Variants in PACS1 observed in about 807,000 individuals in gnomAD.
PACS1 encodes the protein PACS-1.
A neutral mutation model predicts 115.0 loss-of-function variants in PACS1; 24 were observed. That is an observed-to-expected ratio of 0.21 (90% CI 0.15 to 0.29). The LOEUF is 0.29. Among genes scored for constraint, PACS1 ranks in the 10% least tolerant of loss-of-function variants. The pLI is 1.00. For synonymous variants in PACS1, 453 were observed against 504.5 expected, an observed-to-expected ratio of 0.90 and a Z score of 1.37; for missense variants, 838 against 1,251.2, an observed-to-expected ratio of 0.67 and a Z score of 4.98.
At chr11:66,113,264 C>A (rs1407404417) in intron 1 of PACS1, among the ~76,000 whole-genome samples, 4 of 152,206 alleles carry the variant, frequency 2.6e-5, no homozygotes, top group African/African-American at 9.7e-5. Context: ...CTACCCACTT[C>A]TTGGGCAGAT....
At chr11:66,101,245 T>A (rs1239949630) in intron 1 of PACS1, among the ~76,000 whole-genome samples, 1 of 152,216 alleles carries the variant, frequency 6.6e-6, no homozygotes, top group Admixed American at 6.5e-5. Flanking sequence ...TTGCCCCATT[T>A]CCTTTTCTTT....
intron 1 of PACS1, among the ~76,000 whole-genome samples, chr11:66,091,872 T>C (rs1233982300): frequency 6.6e-6 from 1 of 151,762 alleles, no homozygotes; most frequent in African/African-American, 2.4e-5. Context: ...TATGGCTGCA[T>C]AGTATTCCAT....
In PACS1 at chr11:66,177,632, G is replaced by A. The variant is rs371449488; in HGVS notation, c.357-15854G>A. 2.0e-5 allele frequency among the ~76,000 whole-genome samples: 3 copies of A among 151,970 alleles called. No individual in the cohort carries two copies. The East Asian group carries it at 5.8e-4, about 29-fold the overall frequency. On this transcript the variant is annotated intron_variant, in intron 1 of 23. Coordinates refer to ENST00000320580, the MANE Select transcript of PACS1 (RefSeq NM_018026.4). ...TTTTTTTGTTTTGTTTTGTTTTTGA[G>A]ACTGGTCTTGCTCTGTCATCCAGGC...
intron 10 of PACS1, among the ~76,000 whole-genome samples, chr11:66,225,115 C>T (rs1198629376): frequency 6.6e-6 from 1 of 152,210 alleles, no homozygotes; most frequent in African/African-American, 2.4e-5. Flanking sequence ...GCTGCTAAGT[C>T]GCTATTTCCA....
intron 10 of PACS1, among the ~76,000 whole-genome samples, chr11:66,222,398 G>C (rs370392558): frequency 2.0e-5 from 3 of 152,128 alleles, no homozygotes; most frequent in Non-Finnish European, 4.4e-5. Flanking sequence ...TGTAGCAGCC[G>C]GAGCCACGAC....
At chr11:66,084,912 C>A (rs901542847) in intron 1 of PACS1, among the ~76,000 whole-genome samples, 1 of 152,018 alleles carries the variant, frequency 6.6e-6, no homozygotes, top group African/African-American at 2.4e-5. Context: ...TAGGTTGGCA[C>A]CTGATTGTTT....
chr11:66,222,869 C>G (rs1464774146), intron 10 of PACS1, among the ~76,000 whole-genome samples: 1 of 151,954 alleles, frequency 6.6e-6, no homozygotes, highest in African/African-American at 2.4e-5. Flanking sequence ...TCTCTCCCAG[C>G]TCACCGTTCT....
chr11:66,102,791 C>A (rs1213711412), intron 1 of PACS1, among the ~76,000 whole-genome samples: 1 of 152,074 alleles, frequency 6.6e-6, no homozygotes, highest in Non-Finnish European at 1.5e-5. Context: ...TACTGAACCT[C>A]GGAGTGAGAT....
intron 1 of PACS1, among the ~76,000 whole-genome samples, chr11:66,156,641 T>C (rs970722160): frequency 6.6e-6 from 1 of 151,968 alleles, no homozygotes; most frequent in Non-Finnish European, 1.5e-5. Context: ...GATCACAAGG[T>C]CAGGAGATCG....
intron 1 of PACS1, among the ~76,000 whole-genome samples, chr11:66,093,711 A>G (rs1265619481): frequency 1.5e-4 from 22 of 150,506 alleles, no homozygotes; most frequent in Admixed American, 3.3e-4. Flanking sequence ...AGACATCTAC[A>G]GAACTCTCCA....
chr11:66,223,563 G>A (rs1008776189), intron 10 of PACS1, among the ~76,000 whole-genome samples: 1 of 152,098 alleles, frequency 6.6e-6, no homozygotes. Flanking sequence ...ATCCACATGG[G>A]CAAACCCTAC....
intron 1 of PACS1, among the ~76,000 whole-genome samples, chr11:66,115,265 A>G (rs1858280714): frequency 6.6e-6 from 1 of 151,664 alleles, no homozygotes; most frequent in Admixed American, 6.6e-5. Context: ...CATGATCAGC[A>G]GTTGGTTATA....
At chr11:66,177,486 C>T (rs1012273898) in intron 1 of PACS1, among the ~76,000 whole-genome samples, 5 of 152,150 alleles carry the variant, frequency 3.3e-5, no homozygotes, top group East Asian at 1.9e-4. Flanking sequence ...CCACTGCACC[C>T]GGCCAAAATA....
chr11:66,156,570 T>C lies in PACS1; in HGVS notation c.357-36916T>C, dbSNP rs185644766. Among the ~76,000 whole-genome samples the C allele has an allele frequency of 4.6e-3, 695 of 151,942 alleles. 5 individuals carry two copies. The highest frequency in any genetic ancestry group is 0.015 in the African/African-American group (621 of 41,472). On this transcript the variant is annotated intron_variant, in intron 1 of 23. Transcript: ENST00000320580. ...TAAAGTTGTTTTTTAAAAAAATCTT[T>C]CCGGCTGGGCATGGTGGCTCATGTC...
chr11:66,227,738 C>T (rs1565155354), intron 11 of PACS1, among the ~76,000 whole-genome samples, 154 bp downstream of exon 11: 1 of 152,202 alleles, frequency 6.6e-6, no homozygotes, highest in African/African-American at 2.4e-5. Context: ...GAAATCCTTA[C>T]CCGTGGAATG....
At chr11:66,193,420 A>G in intron 1 of PACS1, 66 bp from the exon 2 acceptor site, 1 of 1,114,900 alleles carries the variant, frequency 9.0e-7, no homozygotes. Context: ...TTGCCTAACC[A>G]ATTGTTCATC....
chr11:66,241,151 C>A, intron 21 of PACS1: 1 of 417,468 alleles, frequency 2.4e-6, no homozygotes, highest in South Asian at 3.0e-5. Context: ...CACTTTCTTC[C>A]TTCATAAAGC....
chr11:66,141,247 C>G (rs1369710790), intron 1 of PACS1, among the ~76,000 whole-genome samples: 5 of 152,016 alleles, frequency 3.3e-5, no homozygotes, highest in Non-Finnish European at 7.4e-5. Context: ...TTTCACATTC[C>G]TAATGTTATT....
chr11:66,072,504 C>CT (rs1857326059), intron 1 of PACS1, among the ~76,000 whole-genome samples: 2 of 152,168 alleles, frequency 1.3e-5, no homozygotes, highest in Non-Finnish European at 2.9e-5. Flanking sequence ...TTCCACATCA[C>CT]TTAACAGATT....
Sources: gnomAD v4.1 joint callset for allele counts (sites outside exome capture counted in the v4.1 genomes callset) on GRCh38, gnomAD v4.1.1 for gene constraint, MANE v1.5 for transcripts, NCBI Gene and HGNC (gene_info 2026-07-23, HGNC 2026-07-21) for gene names.